Variants in AOAH observed in about 807,000 individuals in gnomAD.
AOAH encodes the protein acyloxyacyl hydrolase.
A neutral mutation model predicts 92.2 loss-of-function variants in AOAH; 64 were observed. The ratio of observed to expected loss-of-function variants is 0.69; its 90% CI spans 0.57 to 0.86. The LOEUF (loss-of-function observed/expected upper bound fraction) is 0.86, where lower values mean the gene tolerates loss of function less well. Ranked by LOEUF, AOAH falls within the 40% of genes least tolerant of loss-of-function variation. The probability of loss-of-function intolerance (pLI) is 0.00; values close to 1 mark genes in which losing one functional copy is unlikely to be tolerated. For synonymous variants in AOAH, 263 were observed against 254.5 expected (o/e 1.03, Z -0.32); for missense variants, 656 against 694.6 (o/e 0.94, Z 0.62).
Position 36,646,834 on chromosome 7 carries a change from A to G in AOAH, c.391-8924T>C, listed in dbSNP as rs562346099. Among the ~76,000 whole-genome samples the G allele has an allele frequency of 3.3e-5, 5 of 152,242 alleles. No homozygotes were observed. The South Asian group carries it at 8.3e-4, about 25-fold the overall frequency. ...CTTGCCTCTTGTAAGGATTCTTGTGATCACATCAGGCTTACCCAGATAATC... is the reference window on the plus strand; with the variant it reads ...CTTGCCTCTTGTAAGGATTCTTGTGGTCACATCAGGCTTACCCAGATAATC... On this transcript the variant is annotated intron_variant, in intron 4 of 20. Coordinates refer to ENST00000617537, the MANE Select transcript of AOAH (RefSeq NM_001637.4).
rs543639359 is a variant in AOAH at position 36,563,269 on chromosome 7, G to C, written c.1021+13305C>G. Among the ~76,000 whole-genome samples the C allele has an allele frequency of 1.1e-4, 17 of 150,288 alleles. No homozygotes were observed. In the South Asian group the frequency reaches 2.7e-3, roughly 24 times the overall value. On this transcript the variant is annotated intron_variant, in intron 13 of 20. Transcript: ENST00000617537. ...TCCCTCAAACCTCTTTGGAATTCTA[G>C]GCACCTGTATGTCCCCACTATTTCT... is the stretch of plus-strand genomic sequence containing the variant.
At chr7:36,703,281 C>T (rs6978327) in intron 1 of AOAH, among the ~76,000 whole-genome samples, 88,038 of 151,954 alleles carry the variant, frequency 0.58, 25,784 homozygotes, top group East Asian at 0.83. Context: ...CAGGAATGTT[C>T]TTCATGGCAT....
Position 36,623,188 on chromosome 7 carries a change from A to C in AOAH, c.582+2T>G, listed in dbSNP as rs759314236. 1 of 1,612,846 alleles carries C rather than the reference A, an allele frequency of 6.2e-7. No homozygotes were observed. The highest frequency in any genetic ancestry group is 1.3e-5 in the African/African-American group (1 of 74,940). The stretch of plus-strand genomic sequence containing the variant: ...CATCTGGTTATTCCTAACAATACTT[A>C]CTGGGAAAACGCTGTATTTGTCTGA... On this transcript the variant is annotated splice_donor_variant, in intron 7 of 20. Transcript: ENST00000617537. LOFTEE classifies it high-confidence loss of function.
At chr7:36,699,497 G>T (rs1346552822) in intron 1 of AOAH, among the ~76,000 whole-genome samples, 1 of 151,940 alleles carries the variant, frequency 6.6e-6, no homozygotes, top group Non-Finnish European at 1.5e-5. Flanking sequence ...GTGAGATCAT[G>T]TCTCATTGTA....
At chr7:36,623,372 T>A in intron 6 of AOAH, 122 bp from the exon 7 acceptor site, 5 of 830,578 alleles carry the variant, frequency 6.0e-6, no homozygotes, top group Middle Eastern at 6.4e-4. Flanking sequence ...AGGGCCATTC[T>A]AAACAGAAAA....
At chr7:36,659,568 G>A (rs1795086525) in intron 3 of AOAH, among the ~76,000 whole-genome samples, 1 of 152,028 alleles carries the variant, frequency 6.6e-6, no homozygotes, top group Admixed American at 6.5e-5. Flanking sequence ...ACATAAAATT[G>A]GGAAAGAAAA....
intron 18 of AOAH, among the ~76,000 whole-genome samples, chr7:36,530,914 T>C (rs1339224946): frequency 6.6e-6 from 1 of 152,200 alleles, no homozygotes; most frequent in Admixed American, 6.5e-5. Flanking sequence ...GTAATTCTTC[T>C]AGGAATTTGT....
intron 20 of AOAH, among the ~76,000 whole-genome samples, chr7:36,518,435 G>A (rs1020388722): frequency 6.6e-6 from 1 of 152,152 alleles, no homozygotes; most frequent in African/African-American, 2.4e-5. Context: ...ATGGATGCAA[G>A]CTAATTCATT....
At chr7:36,634,372 C>G (rs1793367735) in intron 5 of AOAH, among the ~76,000 whole-genome samples, 1 of 152,166 alleles carries the variant, frequency 6.6e-6, no homozygotes, top group Non-Finnish European at 1.5e-5. Context: ...TAGAAAAACA[C>G]TGTGAAAATC....
chr7:36,538,160 T>C (rs545898530), intron 16 of AOAH, among the ~76,000 whole-genome samples: 1 of 152,052 alleles, frequency 6.6e-6, no homozygotes, highest in South Asian at 2.1e-4. Flanking sequence ...CCTGAGTAGT[T>C]GGGATCACAG....
At chr7:36,551,507 G>A (rs1464555698) in intron 13 of AOAH, among the ~76,000 whole-genome samples, 1 of 152,112 alleles carries the variant, frequency 6.6e-6, no homozygotes, top group Non-Finnish European at 1.5e-5. Flanking sequence ...ATGCATTAAA[G>A]AATAACTTTC....
At chr7:36,638,624 G>C (rs764962854) in intron 4 of AOAH, among the ~76,000 whole-genome samples, 1 of 152,130 alleles carries the variant, frequency 6.6e-6, no homozygotes, top group Non-Finnish European at 1.5e-5. Flanking sequence ...GGAGGAGGAG[G>C]GTTTTCTCTC....
intron 5 of AOAH, among the ~76,000 whole-genome samples, chr7:36,636,498 C>G (rs1793534982): frequency 6.6e-6 from 1 of 152,176 alleles, no homozygotes; most frequent in African/African-American, 2.4e-5. Flanking sequence ...CATTTCTGCT[C>G]AGAGTTCTGA....
At chr7:36,696,180 T>C (rs1685320168) in intron 1 of AOAH, among the ~76,000 whole-genome samples, 2 of 152,250 alleles carry the variant, frequency 1.3e-5, no homozygotes, top group African/African-American at 4.8e-5. Flanking sequence ...TATCAGTTAC[T>C]GTAGTACTTA....
At chr7:36,648,593 A>G (rs1794379457) in intron 4 of AOAH, among the ~76,000 whole-genome samples, 1 of 151,128 alleles carries the variant, frequency 6.6e-6, no homozygotes, top group East Asian at 1.9e-4. Flanking sequence ...TTCAATCACA[A>G]ATTACAAATA....
chr7:36,673,302 G>T (rs1466861010), intron 3 of AOAH, among the ~76,000 whole-genome samples: 1 of 152,192 alleles, frequency 6.6e-6, no homozygotes, highest in African/African-American at 2.4e-5. Flanking sequence ...CACTTTGAGA[G>T]GCCAAGGTGG....
At chr7:36,574,672 C>G (rs959605934) in intron 13 of AOAH, among the ~76,000 whole-genome samples, 1 of 152,084 alleles carries the variant, frequency 6.6e-6, no homozygotes, top group Non-Finnish European at 1.5e-5. Flanking sequence ...GGCTATGGAA[C>G]CTTGGACAAG....
chr7:36,551,533 C>T (rs188369973), intron 13 of AOAH, among the ~76,000 whole-genome samples: 257 of 152,340 alleles, frequency 1.7e-3, no homozygotes, highest in African/African-American at 6.0e-3. Flanking sequence ...ACTCCTCCCT[C>T]CAGTCCCTGA....
At chr7:36,573,430 C>T (rs139650574) in intron 13 of AOAH, among the ~76,000 whole-genome samples, 116 of 152,186 alleles carry the variant, frequency 7.6e-4, no homozygotes, top group African/African-American at 2.8e-3. Flanking sequence ...TTTTAAAATG[C>T]GTTATAGGGT....
Sources: allele counts gnomAD v4.1 joint callset (sites outside exome capture counted in the v4.1 genomes callset), GRCh38; gene constraint gnomAD v4.1.1; transcripts MANE v1.5; gene names NCBI Gene and HGNC (gene_info 2026-07-23, HGNC 2026-07-21).